WWOX: variants seen among roughly 807,000 people sequenced by gnomAD.
The protein encoded by WWOX is WW domain-containing oxidoreductase.
In WWOX, 69 loss-of-function variants were observed where a neutral mutation model predicts 46.2. The ratio of observed to expected loss-of-function variants is 1.49; its 90% CI spans 1.23 to 1.82. The LOEUF is 1.82. Ranked by LOEUF, WWOX falls within the 40% of genes most tolerant of loss-of-function variation. The pLI, the probability that WWOX is intolerant of heterozygous loss-of-function variation, is 0.00. For missense variants in WWOX, 919 were observed against 542.6 expected (o/e 1.69, Z -6.89); for synonymous variants, 359 against 202.6 (o/e 1.77, Z -6.56).
At chr16:78,994,786 C>T (rs1347126708) in intron 8 of WWOX, among the ~76,000 whole-genome samples, 2 of 152,012 alleles carry the variant, frequency 1.3e-5, no homozygotes, top group Admixed American at 6.5e-5. Flanking sequence ...GGAGCTGGTA[C>T]GACAAAGAGC....
At chr16:78,165,580 G>T (rs757599824) in intron 5 of WWOX, among the ~76,000 whole-genome samples, 8 of 152,096 alleles carry the variant, frequency 5.3e-5, no homozygotes, top group African/African-American at 7.2e-5. Flanking sequence ...CCTGGGAGGA[G>T]GGGGAGGAGG....
At chr16:78,497,052 TGGGGATGTTGGATGCTAA>T (rs1313687334) in intron 8 of WWOX, among the ~76,000 whole-genome samples, 1 of 152,202 alleles carries the variant, frequency 6.6e-6, no homozygotes, top group Non-Finnish European at 1.5e-5. Flanking sequence ...CAGGGAGATT[TGGGGATGTTGGATGCTAA>T]GGCCCAAGCC....
At chr16:78,453,876 G>A (rs1296238412) in intron 8 of WWOX, among the ~76,000 whole-genome samples, 3 of 151,834 alleles carry the variant, frequency 2.0e-5, no homozygotes, top group Non-Finnish European at 4.4e-5. Flanking sequence ...TCTGTTTTCT[G>A]TACATGCCAA....
At chr16:78,518,312 G>C (rs2043280958) in intron 8 of WWOX, among the ~76,000 whole-genome samples, 1 of 152,012 alleles carries the variant, frequency 6.6e-6, no homozygotes, top group Admixed American at 6.6e-5. Context: ...ACTCACCGCA[G>C]CCTCCGCCTC....
At chr16:78,750,043 A>C (rs2049439496) in intron 8 of WWOX, among the ~76,000 whole-genome samples, 1 of 152,210 alleles carries the variant, frequency 6.6e-6, no homozygotes, top group South Asian at 2.1e-4. Flanking sequence ...ATCAGGGAAA[A>C]ATAGGAGAAA....
intron 8 of WWOX, among the ~76,000 whole-genome samples, chr16:79,184,377 T>C (rs984512071): frequency 1.3e-5 from 2 of 152,142 alleles, no homozygotes; most frequent in Admixed American, 6.5e-5. Context: ...AGGAACAAAG[T>C]GTGTCCATGG....
Position 78,630,795 on chromosome 16 carries a change from C to T in WWOX, c.1056+198043C>T, listed in dbSNP as rs147427559. On this transcript the variant is annotated intron_variant, in intron 8 of 8. Coordinates refer to ENST00000566780, the MANE Select transcript of WWOX (RefSeq NM_016373.4). ...TTCAGTGCCTGACACAGTTGTATTC[C>T]TAAGACATAGTTGGGACCAGACCTC... 8.5e-3 allele frequency among the ~76,000 whole-genome samples: 1,293 copies of T among 152,276 alleles called. 16 individuals are homozygous for T. Among genetic ancestry groups the T allele is most frequent in the African/African-American group, 0.028 (1,184 of 41,546 alleles).
intron 4 of WWOX, among the ~76,000 whole-genome samples, chr16:78,130,512 C>G (rs1030324636): frequency 1.3e-5 from 2 of 152,198 alleles, no homozygotes; most frequent in African/African-American, 4.8e-5. Flanking sequence ...CTTCAGCTGA[C>G]TATGGCTTAT....
rs115372134 is a variant in WWOX, at chr16:78,223,076, C to T, written c.516+58787C>T. Among the ~76,000 whole-genome samples the T allele has an allele frequency of 4.5e-3, 678 of 152,216 alleles. 4 individuals carry two copies. Among genetic ancestry groups the T allele is most frequent in the African/African-American group, 0.015 (624 of 41,532 alleles). On this transcript the variant is annotated intron_variant, in intron 5 of 8. Transcript: ENST00000566780. ...CTTTCCTGCCCAAGAAGTGTCCTTG[C>T]GGTGATCATTTATGTGATTTGGGTA...
At chr16:79,130,462 G>A (rs1484653890) in intron 8 of WWOX, among the ~76,000 whole-genome samples, 1 of 152,118 alleles carries the variant, frequency 6.6e-6, no homozygotes, top group Non-Finnish European at 1.5e-5. Context: ...TAAAAACAGG[G>A]TTAGTAAAGG....
At chr16:78,580,524 C>A (rs547851643) in intron 8 of WWOX, among the ~76,000 whole-genome samples, 1 of 152,300 alleles carries the variant, frequency 6.6e-6, no homozygotes, top group South Asian at 2.1e-4. Context: ...GCAGTCCCAT[C>A]ACGAACAAAT....
chr16:78,423,587 T>C (rs1021540194), intron 6 of WWOX, among the ~76,000 whole-genome samples: 34 of 152,110 alleles, frequency 2.2e-4, no homozygotes, highest in African/African-American at 8.2e-4. Context: ...GTTACGTTTG[T>C]GAGGCCTAGG....
intron 8 of WWOX, among the ~76,000 whole-genome samples, chr16:79,148,343 G>T (rs562281951): frequency 2.0e-5 from 3 of 152,220 alleles, no homozygotes; most frequent in African/African-American, 7.2e-5. Flanking sequence ...TTCCTCCAGA[G>T]AATTTTTTTA....
At chr16:78,554,283 C>T (rs1026496992) in intron 8 of WWOX, among the ~76,000 whole-genome samples, 6 of 151,996 alleles carry the variant, frequency 3.9e-5, no homozygotes, top group Non-Finnish European at 8.8e-5. Flanking sequence ...TGGTATAAGC[C>T]CCGTAGTAAT....
At chr16:78,979,244 A>G (rs982930680) in intron 8 of WWOX, among the ~76,000 whole-genome samples, 1 of 152,154 alleles carries the variant, frequency 6.6e-6, no homozygotes, top group African/African-American at 2.4e-5. Context: ...CAGAAGTAAA[A>G]CAAGCCATCC....
chr16:78,147,965 A>T (rs999151120), intron 4 of WWOX, among the ~76,000 whole-genome samples: 2 of 147,112 alleles, frequency 1.4e-5, no homozygotes, highest in Non-Finnish European at 3.0e-5. Flanking sequence ...TGCGTGTAGA[A>T]TCCTGGTGGC....
At chr16:79,087,287 G>C (rs577170989) in intron 8 of WWOX, among the ~76,000 whole-genome samples, 1 of 152,212 alleles carries the variant, frequency 6.6e-6, no homozygotes, top group Non-Finnish European at 1.5e-5. Context: ...CCTCCGGAAT[G>C]TTCTCAGAAA....
At chr16:78,479,273 A>G (rs1305869693) in intron 8 of WWOX, among the ~76,000 whole-genome samples, 1 of 152,228 alleles carries the variant, frequency 6.6e-6, no homozygotes, top group African/African-American at 2.4e-5. Context: ...GGATATGGAT[A>G]TGAATTTGTA....
chr16:78,528,760 A>G (rs1198120313), intron 8 of WWOX, among the ~76,000 whole-genome samples: 6 of 152,114 alleles, frequency 3.9e-5, no homozygotes, highest in African/African-American at 1.4e-4. Flanking sequence ...GGTTTGAGGA[A>G]AATGAAAAGG....
Sources: gnomAD v4.1 joint callset for allele counts (sites outside exome capture counted in the v4.1 genomes callset) on GRCh38, gnomAD v4.1.1 for gene constraint, MANE v1.5 for transcripts, NCBI Gene and HGNC (gene_info 2026-07-23, HGNC 2026-07-21) for gene names.